KCP: variants seen among roughly 807,000 people sequenced by gnomAD.
KCP encodes the protein kielin cysteine rich BMP regulator.
KCP carries 194 observed loss-of-function variants against 212.7 expected under a neutral mutation model. That is an observed-to-expected ratio of 0.91 (90% CI 0.81 to 1.03). KCP has a LOEUF of 1.03. Among genes scored for constraint, KCP ranks in the 50% least tolerant of loss-of-function variants. The pLI is 0.00. For missense variants in KCP, 2,080 were observed against 2,162.5 expected, an observed-to-expected ratio of 0.96 and a Z score of 0.76; for synonymous variants, 833 against 865.3, an observed-to-expected ratio of 0.96 and a Z score of 0.65.
intron 5 of KCP, among the ~76,000 whole-genome samples, chr7:128,905,405 C>A (rs1279663962): frequency 5.3e-5 from 8 of 152,116 alleles, no homozygotes; most frequent in Non-Finnish European, 1.2e-4. Flanking sequence ...TAGCCATGAC[C>A]TCCTCTTCCT....
chr7:128,904,395 C>A, intron 5 of KCP: 1 of 1,525,702 alleles, frequency 6.6e-7, no homozygotes. Context: ...AGGGCAGACA[C>A]TGAGCCAGCC....
In KCP at chr7:128,891,464, A is replaced by C. The variant is rs78201027; in HGVS notation, c.1865T>G (p.Leu622Arg). The change falls in exon 18 of 40, where the codon CTG becomes CGG. Residue 622 changes from leucine to arginine, a missense_variant. Coordinates refer to ENST00000610776, the MANE Select transcript of KCP (RefSeq NM_001366122.1). ...DFPHPSDPCR[L>R]CRCLSGNVQC... Reference sequence around the variant, plus strand: ...GTGCAGACTCACCAGACAGCGACACAGACGGCAGGGGTCAGAGGGGTGGGG... The same window carrying C: ...GTGCAGACTCACCAGACAGCGACACCGACGGCAGGGGTCAGAGGGGTGGGG... The C allele has an allele frequency of 5.2e-6, 8 of 1,550,466 alleles. No individual in the cohort carries two copies. The East Asian group carries it at 9.8e-5, about 19-fold the overall frequency.
chr7:128,892,858 C>T lies in KCP; in HGVS notation c.1420+11G>A. The T allele has an allele frequency of 6.4e-7, 1 of 1,551,146 alleles. No individual in the cohort carries two copies. The highest frequency in any genetic ancestry group is 8.7e-7 in the Non-Finnish European group (1 of 1,146,774). On this transcript the variant is annotated intron_variant, in intron 14 of 39. Transcript: ENST00000610776. Reference sequence around the variant, plus strand: ...CAGGGGAAGAAAGCCAGGATCAGCCCAGGCACTCACCAGGGGGCTGGGTGG... The same window carrying T: ...CAGGGGAAGAAAGCCAGGATCAGCCTAGGCACTCACCAGGGGGCTGGGTGG...
chr7:128,892,874 G>T lies in KCP; in HGVS notation c.1415C>A (p.Pro472His), dbSNP rs1396247918. 1.9e-6 allele frequency: 3 copies of T among 1,550,850 alleles called. No individual in the cohort carries two copies. The African/African-American group carries it at 4.1e-5, about 21-fold the overall frequency. The change falls in exon 14 of 40, where the codon CCC becomes CAC. Residue 472 changes from proline (P) to histidine (H), a missense_variant. Physicochemically the swap from Pro to His is moderately conservative, Grantham distance 77. Transcript: ENST00000610776. The stretch of plus-strand genomic sequence containing the variant: ...GGATCAGCCCAGGCACTCACCAGGG[G>T]GCTGGGTGGGGTGCTGGCAGGGGGC... ...PPAPCQHPTQ[P>H]PGACCPSCDS...
intron 22 of KCP, among the ~76,000 whole-genome samples, chr7:128,887,840 C>T (rs111203925): frequency 7.3e-6 from 1 of 136,848 alleles, no homozygotes; most frequent in African/African-American, 2.8e-5. Context: ...CACACACACA[C>T]ACATACACAC....
intron 8 of KCP, 140 bp downstream of exon 8, chr7:128,902,637 C>G: frequency 1.3e-6 from 1 of 764,202 alleles, no homozygotes. Context: ...GCCTGCACAG[C>G]CCCCAGCAGA....
chr7:128,888,405 C>G (rs1022149961), intron 22 of KCP, among the ~76,000 whole-genome samples: 1 of 151,152 alleles, frequency 6.6e-6, no homozygotes, highest in African/African-American at 2.4e-5. Flanking sequence ...CAGATACACA[C>G]ATACACACAT....
rs1395227152 is a variant in KCP at position 128,876,867 on chromosome 7, C to T, written c.*176G>A. 45 of 658,050 alleles carry T rather than the reference C, an allele frequency of 6.8e-5. 1 individual carries two copies. In the Admixed American group the frequency reaches 1.1e-3, roughly 17 times the overall value. The allele number at this position is 658,050 out of a possible 1,614,324, so 40.8% of individuals were successfully genotyped here. On this transcript the variant is annotated 3_prime_UTR_variant, in exon 40 of 40. Transcript: ENST00000610776. ...ATACACACACACACAAGGAAGCCTT[C>T]GGGCAGGCCTAGAGTTTACTGCTGG...
chr7:128,878,744 T>G (rs372470738), intron 37 of KCP, 22 bp from the exon 38 acceptor site: 15 of 1,544,398 alleles, frequency 9.7e-6, no homozygotes, highest in Middle Eastern at 3.3e-4. Flanking sequence ...GGCCTGAGAC[T>G]GGGGAGCAGG....
intron 8 of KCP, among the ~76,000 whole-genome samples, chr7:128,901,174 T>G: frequency 6.6e-6 from 1 of 152,170 alleles, no homozygotes; most frequent in East Asian, 1.9e-4. Flanking sequence ...CATGGCAATG[T>G]CAGGAAGTTA....
At chr7:128,877,845 A>G (rs1014824164) in intron 38 of KCP, 55 bp from the exon 39 acceptor site, 8 of 1,464,896 alleles carry the variant, frequency 5.5e-6, no homozygotes, top group Non-Finnish European at 7.4e-6. Flanking sequence ...TGGCCTCTGC[A>G]TGCCGTGCTC....
chr7:128,910,270 A>C (rs1391501031), intron 1 of KCP, among the ~76,000 whole-genome samples: 1 of 152,160 alleles, frequency 6.6e-6, no homozygotes, highest in East Asian at 1.9e-4. Context: ...ACACAGATGC[A>C]AAGTCAGCTT....
chr7:128,879,472 G>T, intron 37 of KCP, 50 bp downstream of exon 37: 1 of 1,482,660 alleles, frequency 6.7e-7, no homozygotes, highest in Non-Finnish European at 9.2e-7. Context: ...GCCTAAACAG[G>T]ACTGAAGCTC....
At position 128,907,118 on chromosome 7, in the gene KCP, T is replaced by C. The variant is rs747178721; in HGVS notation, c.469A>G (p.Thr157Ala). The C allele has an allele frequency of 1.3e-6, 2 of 1,551,214 alleles. No homozygotes were observed. The highest frequency in any genetic ancestry group is 1.7e-6 in the Non-Finnish European group (2 of 1,146,882). Residue 157 changes from threonine to alanine, a missense_variant, in exon 4 of 40, where the codon ACC (threonine) becomes GCC (alanine). Physicochemically the swap from Thr to Ala is moderately conservative, Grantham distance 58. Transcript: ENST00000610776. ...GAGCTTACCAGACAGCGGCAGGTGG[T>C]GCAGGCATCTGGGGAGAAGGTCTCC... ...NGETFSPDAC[T>A]TCRCLEGTIT...
intron 26 of KCP, 121 bp from the exon 27 acceptor site, chr7:128,885,391 C>T (rs1308609913): frequency 8.1e-6 from 8 of 992,284 alleles, no homozygotes; most frequent in Non-Finnish European, 7.3e-6. Context: ...AGGGATATGG[C>T]GGGAAGGTGC....
At chr7:128,908,366 T>A in intron 2 of KCP, 60 bp downstream of exon 2, 1 of 1,488,624 alleles carries the variant, frequency 6.7e-7, no homozygotes, top group Non-Finnish European at 9.1e-7. Flanking sequence ...ACTCCTTCTC[T>A]CCCTCCCACT....
In KCP at chr7:128,881,012, G is replaced by A. The variant is rs1009396759; in HGVS notation, c.3498C>T (p.Ile1166=). The change falls in exon 32 of 40, where the codon ATC becomes ATT. Residue 1166 remains isoleucine, a synonymous_variant. Coordinates refer to ENST00000610776, the MANE Select transcript of KCP (RefSeq NM_001366122.1). The stretch of plus-strand genomic sequence containing the variant: ...CCCAGCTCACATGGCAGGTGCAGGC[G>A]ATGCACGCATTGCTGGGGTCCCGCC... ...ESWRDPSNAC[I]ACTCHRGHVE... is the part of the protein sequence containing the mutation. 15 of 398,970 alleles carry A rather than the reference G, an allele frequency of 3.8e-5. No individual in the cohort carries two copies. The South Asian group carries it at 7.6e-4, about 20-fold the overall frequency. 24.7% of individuals were successfully genotyped at this position (398,970 alleles called of 1,614,324 possible).
chr7:128,904,875 T>C (rs909677212), intron 5 of KCP, among the ~76,000 whole-genome samples: 8 of 152,360 alleles, frequency 5.3e-5, no homozygotes, highest in South Asian at 4.1e-4. Context: ...ATGGTTCCAT[T>C]ATTTTACAAC....
intron 30 of KCP, 68 bp from the exon 31 acceptor site, chr7:128,881,793 G>A: frequency 7.1e-7 from 1 of 1,411,914 alleles, no homozygotes; most frequent in Non-Finnish European, 9.7e-7. Context: ...GTAAGGCATA[G>A]GCAGGATGTG....
Sources: allele counts gnomAD v4.1 joint callset (sites outside exome capture counted in the v4.1 genomes callset), GRCh38; gene constraint gnomAD v4.1.1; transcripts MANE v1.5; gene names NCBI Gene and HGNC (gene_info 2026-07-23, HGNC 2026-07-21).